Variants in KIAA2012 observed in about 807,000 individuals in gnomAD.
KIAA2012 encodes the protein uncharacterized protein KIAA2012.
Under a neutral mutation model 150.6 loss-of-function variants are expected in KIAA2012, and 125 were observed. That is an observed-to-expected ratio of 0.83 (90% CI 0.72 to 0.96). The LOEUF (loss-of-function observed/expected upper bound fraction) is 0.96, where lower values mean the gene tolerates loss of function less well. Among genes scored for constraint, KIAA2012 ranks in the 40% least tolerant of loss-of-function variants. The probability of loss-of-function intolerance (pLI) is 0.00; values close to 1 mark genes in which losing one functional copy is unlikely to be tolerated. For missense variants in KIAA2012, 1,219 were observed against 1,354.9 expected, an observed-to-expected ratio of 0.90 and a Z score of 1.57; for synonymous variants, 462 against 504.7, an observed-to-expected ratio of 0.92 and a Z score of 1.13.
intron 14 of KIAA2012, among the ~76,000 whole-genome samples, chr2:202,161,532 C>T (rs1186254919): frequency 6.6e-6 from 1 of 152,046 alleles, no homozygotes. Flanking sequence ...ACACTGCCCC[C>T]GCACCAAACT....
At chr2:202,101,741 T>C (rs1690049623) in intron 7 of KIAA2012, among the ~76,000 whole-genome samples, 1 of 152,204 alleles carries the variant, frequency 6.6e-6, no homozygotes, top group Non-Finnish European at 1.5e-5. Flanking sequence ...AGCCGGCACC[T>C]GGACAGTGAG....
At chr2:202,187,365 C>T (rs1431127180) in intron 17 of KIAA2012, among the ~76,000 whole-genome samples, 10 of 152,016 alleles carry the variant, frequency 6.6e-5, no homozygotes, top group Middle Eastern at 3.4e-3. Flanking sequence ...AGTGCAGTGG[C>T]GCGGTCTCGG....
intron 2 of KIAA2012, among the ~76,000 whole-genome samples, chr2:202,081,476 C>T (rs375615455): frequency 5.9e-5 from 9 of 152,030 alleles, no homozygotes; most frequent in Non-Finnish European, 1.0e-4. Context: ...CCACCAGCAG[C>T]GCACAAGAGT....
intron 22 of KIAA2012, chr2:202,197,399 C>T (rs1574318756): frequency 3.9e-6 from 1 of 259,256 alleles, no homozygotes; most frequent in East Asian, 8.1e-5. Context: ...CTACTGAGTG[C>T]CTGTTATGTG....
At chr2:202,096,078 C>A (rs1390582695) in intron 4 of KIAA2012, among the ~76,000 whole-genome samples, 16 of 152,008 alleles carry the variant, frequency 1.1e-4, no homozygotes, top group African/African-American at 3.6e-4. Context: ...AGTGAGACTA[C>A]GTCCCCCGCA....
intron 2 of KIAA2012, among the ~76,000 whole-genome samples, chr2:202,086,950 A>G (rs1689586533): frequency 6.6e-6 from 1 of 152,158 alleles, no homozygotes; most frequent in Non-Finnish European, 1.5e-5. Context: ...CTCCCATATT[A>G]TATCCACATA....
intron 15 of KIAA2012, chr2:202,179,329 A>C: frequency 8.6e-7 from 1 of 1,157,116 alleles, no homozygotes; most frequent in Non-Finnish European, 1.3e-6. Flanking sequence ...CGCTGACTAC[A>C]TTCAGCCCGT....
In KIAA2012 at chr2:202,097,504, A is replaced by G. The variant is rs1180817897; in HGVS notation, c.755A>G (p.Asn252Ser). The change falls in exon 5 of 24, where the codon AAC becomes AGC. Residue 252 changes from asparagine (N) to serine (S), a missense_variant. By Grantham distance (46) the Asn-to-Ser change is conservative. Transcript: ENST00000498697. ...GTGGACCAGGGCCCTCTAGCCAAGA[A>G]CCATGGCAGTCAGGGGACTCGCTTG... ...GHVDQGPLAK[N>S]HGSQGTRLPP... The G allele has an allele frequency of 6.5e-6, 10 of 1,550,276 alleles. No homozygotes were observed. The Admixed American group carries it at 2.0e-4, about 30-fold the overall frequency.
At position 202,201,443 on chromosome 2, in the gene KIAA2012, G is replaced by A. The variant is rs1692523958; in HGVS notation, c.3408-986G>A. 2.5e-6 allele frequency: 4 copies of A among 1,593,878 alleles called. No individual in the cohort carries two copies. In the Admixed American group the frequency reaches 5.0e-5, roughly 20 times the overall value. ...AGAAGTTCCCCTTCCACTGAGTTAC[G>A]AGGACATTGGCTGCCTGCATGACTG... On this transcript the variant is annotated intron_variant, in intron 22 of 23. Coordinates refer to ENST00000498697, the MANE Select transcript of KIAA2012 (RefSeq NM_001277372.4).
At chr2:202,131,637 G>T (rs569113126) in intron 12 of KIAA2012, among the ~76,000 whole-genome samples, 91 of 152,356 alleles carry the variant, frequency 6.0e-4, no homozygotes, top group Admixed American at 1.1e-3. Flanking sequence ...CAGCCTGGAG[G>T]TTGAGAAGGC....
rs543836605 is a variant in KIAA2012 at position 202,075,931 on chromosome 2, C to T, written c.369+756C>T. Among the ~76,000 whole-genome samples the T allele has an allele frequency of 2.6e-5, 4 of 152,362 alleles. No homozygotes were observed. The East Asian group carries it at 5.8e-4, about 22-fold the overall frequency. On this transcript the variant is annotated intron_variant, in intron 2 of 23. Coordinates refer to ENST00000498697, the MANE Select transcript of KIAA2012 (RefSeq NM_001277372.4). ...GGCCTTTCACACATTGGCTTTTCTG[C>T]TCCATGTCTAGCCACATTTCCCACC...
chr2:202,138,348 G>A (rs1280349078), intron 12 of KIAA2012, 84 bp from the exon 13 acceptor site: 1 of 897,518 alleles, frequency 1.1e-6, no homozygotes, highest in Non-Finnish European at 1.8e-6. Flanking sequence ...AACTAGGTGT[G>A]TGTGTGTGTA....
At chr2:202,140,527 C>T (rs1691177548) in intron 13 of KIAA2012, among the ~76,000 whole-genome samples, 1 of 152,088 alleles carries the variant, frequency 6.6e-6, no homozygotes, top group Non-Finnish European at 1.5e-5. Flanking sequence ...CCCCACCAGC[C>T]CCAAACACAG....
intron 3 of KIAA2012, 71 bp from the exon 4 acceptor site, chr2:202,092,959 T>C: frequency 1.5e-6 from 2 of 1,364,044 alleles, no homozygotes; most frequent in Non-Finnish European, 2.0e-6. Flanking sequence ...GTGAGGAACC[T>C]TGTAGTTACC....
chr2:202,179,695 C>G, intron 15 of KIAA2012: 1 of 663,634 alleles, frequency 1.5e-6, no homozygotes, highest in Admixed American at 1.8e-5. Context: ...AGTTTCTTTA[C>G]TTGTTTGTGG....
intron 14 of KIAA2012, among the ~76,000 whole-genome samples, chr2:202,157,069 C>G (rs970052887): frequency 1.3e-5 from 2 of 152,170 alleles, no homozygotes; most frequent in African/African-American, 4.8e-5. Context: ...CCACCTCCCT[C>G]AAGACTCACA....
At chr2:202,178,514 C>T (rs1049081572) in intron 15 of KIAA2012, 1 of 152,172 alleles carries the variant, frequency 6.6e-6, no homozygotes, top group Non-Finnish European at 1.5e-5. Context: ...ACAACCTCAG[C>T]TTTTGGTCAA....
At chr2:202,165,229 A>C (rs962776896) in intron 14 of KIAA2012, 55 bp from the exon 15 acceptor site, 195 of 1,486,158 alleles carry the variant, frequency 1.3e-4, no homozygotes, top group East Asian at 1.7e-4. Context: ...GAAGTGTTTT[A>C]AGTGTTTGCA....
intron 11 of KIAA2012, 29 bp downstream of exon 11, chr2:202,113,475 G>GTT (rs373306982): frequency 1.0e-3 from 1,155 of 1,136,752 alleles, no homozygotes; most frequent in South Asian, 1.3e-3. Context: ...GGGCAGCCTT[G>GTT]TTTTTTTTTT....
Sources: allele counts gnomAD v4.1 joint callset (sites outside exome capture counted in the v4.1 genomes callset), GRCh38; gene constraint gnomAD v4.1.1; transcripts MANE v1.5; gene names NCBI Gene and HGNC (gene_info 2026-07-23, HGNC 2026-07-21).